XRCC5: variants seen among roughly 807,000 people sequenced by gnomAD.
XRCC5 encodes X-ray repair cross complementing 5.
In XRCC5, 12 loss-of-function variants were observed where a neutral mutation model predicts 95.7. That is an observed-to-expected ratio of 0.13 (90% CI 0.08 to 0.20). XRCC5 has a LOEUF of 0.20. Ranked by LOEUF, XRCC5 falls within the 10% of genes least tolerant of loss-of-function variation. The pLI, the probability that XRCC5 is intolerant of heterozygous loss-of-function variation, is 1.00. For synonymous variants in XRCC5, 281 were observed against 290.3 expected (o/e 0.97, Z 0.33); for missense variants, 595 against 873.9 (o/e 0.68, Z 4.02).
At chr2:216,117,700 A>C (rs1187548669) in intron 3 of XRCC5, 46 bp from the exon 4 acceptor site, 1 of 1,597,898 alleles carries the variant, frequency 6.3e-7, no homozygotes, top group Admixed American at 1.7e-5. Flanking sequence ...TTGCGTGTTC[A>C]CATGAAGAGA....
intron 16 of XRCC5, among the ~76,000 whole-genome samples, chr2:216,184,419 C>T (rs1311635319): frequency 6.6e-6 from 1 of 152,176 alleles, no homozygotes; most frequent in Admixed American, 6.5e-5. Flanking sequence ...TATCCTACCT[C>T]ACTAGAAAGA....
intron 16 of XRCC5, among the ~76,000 whole-genome samples, chr2:216,183,732 C>G (rs1221145784): frequency 6.6e-6 from 1 of 152,118 alleles, no homozygotes; most frequent in Non-Finnish European, 1.5e-5. Flanking sequence ...AGAACAGTTT[C>G]TAGAAGGTGG....
intron 3 of XRCC5, 150 bp downstream of exon 3, chr2:216,116,992 T>A: frequency 1.2e-6 from 1 of 804,190 alleles, no homozygotes; most frequent in Non-Finnish European, 2.0e-6. Context: ...TAATAGGGTT[T>A]AATGTGAAAT....
At chr2:216,150,657 G>A (rs1225496920) in intron 14 of XRCC5, among the ~76,000 whole-genome samples, 4 of 152,154 alleles carry the variant, frequency 2.6e-5, no homozygotes, top group Non-Finnish European at 5.9e-5. Context: ...GCTGAGGTGG[G>A]CAGATAACCG....
Position 216,127,525 on chromosome 2 carries a change from T to C in XRCC5, c.799-11T>C, listed in dbSNP as rs757833792. 2 of 1,581,178 alleles carry C rather than the reference T, an allele frequency of 1.3e-6. No individual in the cohort carries two copies. The highest frequency in any genetic ancestry group is 2.2e-5 in the East Asian group (1 of 44,544). ...CTTTCCTTGTTTTCCCTTTGTGTTTTGGAATGTAAGATTCTACAGGAGAGA... is the reference window on the plus strand; with the variant it reads ...CTTTCCTTGTTTTCCCTTTGTGTTTCGGAATGTAAGATTCTACAGGAGAGA... On this transcript the variant is annotated splice_polypyrimidine_tract_variant and intron_variant, in intron 7 of 20. Transcript: ENST00000392132.
intron 8 of XRCC5, among the ~76,000 whole-genome samples, chr2:216,128,908 G>A (rs1268778806): frequency 6.6e-6 from 1 of 152,208 alleles, no homozygotes; most frequent in Non-Finnish European, 1.5e-5. Flanking sequence ...CAACTAGCAG[G>A]ACTTGGATCT....
At chr2:216,119,427 TAGACTCAA>T (rs1005872845) in intron 5 of XRCC5, among the ~76,000 whole-genome samples, 11 of 152,228 alleles carry the variant, frequency 7.2e-5, no homozygotes, top group African/African-American at 2.7e-4. Context: ...TTAGTGTTCT[TAGACTCAA>T]AGAATTGAGG....
chr2:216,164,710 T>G (rs953523655), intron 16 of XRCC5, among the ~76,000 whole-genome samples: 5 of 152,108 alleles, frequency 3.3e-5, no homozygotes, highest in African/African-American at 1.2e-4. Context: ...GTGGGTGAAT[T>G]TACGCACAGT....
chr2:216,119,251 A>G, intron 5 of XRCC5, 86 bp downstream of exon 5: 1 of 1,489,304 alleles, frequency 6.7e-7, no homozygotes, highest in Non-Finnish European at 9.1e-7. Context: ...TACTTGGTTT[A>G]TGGGAATTTT....
Position 216,167,570 on chromosome 2 carries a change from T to TGTGTG in XRCC5, c.1834+5522_1834+5523insGTGTG, listed in dbSNP as rs1689074451. ...ATCTCTCTCGTGTGTGTGTGTGGGTTTGTGTGTGTGTGTGTGTGTGTGTGT... is the reference window on the plus strand; with the variant it reads ...ATCTCTCTCGTGTGTGTGTGTGGGTTGTGTGTGTGTGTGTGTGTGTGTGTGTGTGT... On this transcript the variant is annotated intron_variant, in intron 16 of 20. Transcript: ENST00000392132. 4.3e-5 allele frequency among the ~76,000 whole-genome samples: 6 copies of TGTGTG among 138,498 alleles called. No individual in the cohort carries two copies. The South Asian group carries it at 1.2e-3, about 27-fold the overall frequency. 90.9% of individuals were successfully genotyped at this position (138,498 alleles called of 152,430 possible).
intron 19 of XRCC5, among the ~76,000 whole-genome samples, chr2:216,196,248 C>T (rs971506467): frequency 6.6e-6 from 1 of 151,308 alleles, no homozygotes; most frequent in Non-Finnish European, 1.5e-5. Context: ...GTCATCCCTA[C>T]TTTCAGGGAG....
At chr2:216,180,336 C>T (rs3770502) in intron 16 of XRCC5, among the ~76,000 whole-genome samples, 18,645 of 152,114 alleles carry the variant, frequency 0.12, 1,314 homozygotes, top group South Asian at 0.28. Context: ...AAGAATAATT[C>T]GTGGAGGGGC....
At chr2:216,196,378 C>T (rs1338867426) in intron 19 of XRCC5, among the ~76,000 whole-genome samples, 1 of 152,086 alleles carries the variant, frequency 6.6e-6, no homozygotes, top group Non-Finnish European at 1.5e-5. Context: ...TTGAGTATGC[C>T]ATTTAACTGT....
intron 19 of XRCC5, among the ~76,000 whole-genome samples, chr2:216,200,426 G>A (rs997260875): frequency 6.6e-6 from 1 of 152,062 alleles, no homozygotes; most frequent in African/African-American, 2.4e-5. Context: ...TTAATTCTCT[G>A]GTGTAGTTTG....
intron 14 of XRCC5, among the ~76,000 whole-genome samples, chr2:216,154,717 T>G (rs1278659268): frequency 6.6e-6 from 1 of 152,206 alleles, no homozygotes; most frequent in African/African-American, 2.4e-5. Flanking sequence ...GAAAAATGCT[T>G]TAACATACTA....
At chr2:216,130,797 T>C (rs1251148775) in intron 8 of XRCC5, 78 bp from the exon 9 acceptor site, 2 of 877,210 alleles carry the variant, frequency 2.3e-6, no homozygotes, top group African/African-American at 1.7e-5. Flanking sequence ...GTGTTGTTAA[T>C]GTATGCATGG....
intron 14 of XRCC5, among the ~76,000 whole-genome samples, chr2:216,159,306 A>T (rs1320183744): frequency 6.6e-6 from 1 of 151,932 alleles, no homozygotes; most frequent in Non-Finnish European, 1.5e-5. Context: ...TTTGGATTTG[A>T]TTTTCTTCTC....
chr2:216,119,283 A>G, intron 5 of XRCC5, 118 bp downstream of exon 5: 2 of 1,077,326 alleles, frequency 1.9e-6, no homozygotes, highest in Non-Finnish European at 1.3e-6. Context: ...CCAAGGCTGA[A>G]TCTGTCAGAT....
chr2:216,161,958 T>A (rs1688960607), intron 15 of XRCC5, 21 bp from the exon 16 acceptor site: 1 of 1,610,978 alleles, frequency 6.2e-7, no homozygotes, highest in Admixed American at 1.7e-5. Context: ...TGTAGGTTTA[T>A]CATCTGTTGG....
Sources: gnomAD v4.1 joint callset for allele counts (sites outside exome capture counted in the v4.1 genomes callset) on GRCh38, gnomAD v4.1.1 for gene constraint, MANE v1.5 for transcripts, NCBI Gene and HGNC (gene_info 2026-07-23, HGNC 2026-07-21) for gene names.